Variants in PSMA2 observed in about 807,000 individuals in gnomAD.
The protein encoded by PSMA2 is proteasome subunit alpha type-2.
In PSMA2, 2 loss-of-function variants were observed where a neutral mutation model predicts 35.9. The observed-to-expected ratio is 0.06, with a 90% CI of 0.02 to 0.18. The LOEUF (loss-of-function observed/expected upper bound fraction) is 0.18. Among genes scored for constraint, PSMA2 ranks in the 10% least tolerant of loss-of-function variants. The pLI is 1.00. For missense variants in PSMA2, 126 were observed against 278.8 expected, an observed-to-expected ratio of 0.45 and a Z score of 3.90; for synonymous variants, 97 against 98.2, an observed-to-expected ratio of 0.99 and a Z score of 0.07.
chr7:42,931,137 T>C (rs766815584), intron 1 of PSMA2: 3 of 453,150 alleles, frequency 6.6e-6, no homozygotes, highest in Non-Finnish European at 1.3e-5. Flanking sequence ...CAAGCTGCGG[T>C]TAGTTCATCT....
intron 1 of PSMA2, among the ~76,000 whole-genome samples, chr7:42,931,600 C>T (rs1303554810): frequency 6.6e-6 from 1 of 152,086 alleles, no homozygotes; most frequent in Non-Finnish European, 1.5e-5. Flanking sequence ...CTAATTCGTG[C>T]ATCGAAGAAA....
chr7:42,924,303 G>A (rs545885085), intron 4 of PSMA2, among the ~76,000 whole-genome samples: 213 of 137,104 alleles, frequency 1.6e-3, no homozygotes, highest in Non-Finnish European at 2.4e-3. Context: ...GCAGTGAGCC[G>A]GGATCATGCC....
intron 1 of PSMA2, among the ~76,000 whole-genome samples, chr7:42,930,885 T>C (rs920671314): frequency 6.6e-6 from 1 of 152,184 alleles, no homozygotes; most frequent in Admixed American, 6.5e-5. Flanking sequence ...GCACACACTA[T>C]TCTGTCATAT....
At chr7:42,928,717 G>A (rs924802596) in intron 1 of PSMA2, among the ~76,000 whole-genome samples, 6 of 152,004 alleles carry the variant, frequency 3.9e-5, no homozygotes, top group African/African-American at 1.2e-4. Context: ...ATATAATTAC[G>A]AATATTCCCT....
chr7:42,927,531 G>T (rs1413361240), intron 1 of PSMA2, 72 bp from the exon 2 acceptor site: 9 of 1,433,882 alleles, frequency 6.3e-6, no homozygotes, highest in Non-Finnish European at 8.8e-6. Context: ...CTCTGAGATA[G>T]TACAGACATA....
chr7:42,929,706 G>GTAAA (rs1359700142), intron 1 of PSMA2, among the ~76,000 whole-genome samples: 1 of 152,068 alleles, frequency 6.6e-6, no homozygotes, highest in Non-Finnish European at 1.5e-5. Context: ...CTTTGTTCAC[G>GTAAA]TAAAATAAAA....
chr7:42,917,698 G>C lies in PSMA2; in HGVS notation c.589-8C>G. On this transcript the variant is annotated splice_region_variant and splice_polypyrimidine_tract_variant and intron_variant, in intron 7 of 7. Transcript: ENST00000223321. ...TTGCCCTTCAAAGCTTTCCTATTGAGGAGGGAGGAAAAAAGGTCAATTTTC... is the reference window on the plus strand; with the variant it reads ...TTGCCCTTCAAAGCTTTCCTATTGACGAGGGAGGAAAAAAGGTCAATTTTC... 6.2e-7 allele frequency: 1 copy of C among 1,612,440 alleles called. No individual in the cohort carries two copies.
chr7:42,923,270 A>T (rs1583606820), intron 5 of PSMA2, 55 bp downstream of exon 5: 1 of 1,292,394 alleles, frequency 7.7e-7, no homozygotes, highest in Non-Finnish European at 1.1e-6. Context: ...TATTTCTGTT[A>T]GATATTCAAA....
intron 5 of PSMA2, among the ~76,000 whole-genome samples, chr7:42,922,610 A>G (rs959239944): frequency 1.3e-5 from 2 of 152,228 alleles, no homozygotes; most frequent in South Asian, 2.1e-4. Flanking sequence ...CAACACTATC[A>G]AAGTTCCCAA....
chr7:42,919,622 C>T, intron 6 of PSMA2: 1 of 560,606 alleles, frequency 1.8e-6, no homozygotes, highest in Non-Finnish European at 3.5e-6. Context: ...GAATATATTT[C>T]TGAGGGAGAG....
chr7:42,925,778 A>G (rs1362916756), intron 3 of PSMA2, among the ~76,000 whole-genome samples: 1 of 152,232 alleles, frequency 6.6e-6, no homozygotes, highest in Non-Finnish European at 1.5e-5. Context: ...TGGCAGCACA[A>G]TGCAGTATCC....
chr7:42,919,596 G>A (rs1383542163), intron 6 of PSMA2: 6 of 543,076 alleles, frequency 1.1e-5, no homozygotes, highest in Non-Finnish European at 1.1e-5. Flanking sequence ...ATTTTATTAT[G>A]TTGGCTAGTA....
chr7:42,930,079 T>C (rs1786273879), intron 1 of PSMA2, among the ~76,000 whole-genome samples: 1 of 152,202 alleles, frequency 6.6e-6, no homozygotes, highest in Non-Finnish European at 1.5e-5. Flanking sequence ...CAACCAAATG[T>C]AGTCCACAAG....
intron 1 of PSMA2, among the ~76,000 whole-genome samples, chr7:42,931,489 TC>T (rs937783370): frequency 6.6e-6 from 1 of 150,470 alleles, no homozygotes; most frequent in African/African-American, 2.4e-5. Context: ...TCCCCGACGT[TC>T]CCCCCAGTCC....
intron 3 of PSMA2, among the ~76,000 whole-genome samples, chr7:42,925,705 T>G (rs1014363810): frequency 7.2e-5 from 11 of 152,258 alleles, no homozygotes; most frequent in African/African-American, 2.7e-4. Flanking sequence ...ACTACTGATC[T>G]GAAATATGCA....
chr7:42,922,098 G>A (rs1204529313), intron 5 of PSMA2, among the ~76,000 whole-genome samples, 167 bp from the exon 6 acceptor site: 2 of 152,126 alleles, frequency 1.3e-5, no homozygotes, highest in Non-Finnish European at 2.9e-5. Flanking sequence ...AAGAAGGCTA[G>A]AAGGATGGAA....
intron 6 of PSMA2, chr7:42,918,146 C>T (rs1248173626): frequency 6.0e-6 from 1 of 167,672 alleles, no homozygotes; most frequent in Non-Finnish European, 1.3e-5. Flanking sequence ...ATGCCATTCT[C>T]CTGCCTCAGC....
At chr7:42,927,098 G>T (rs780913563) in intron 2 of PSMA2, among the ~76,000 whole-genome samples, 2 of 143,498 alleles carry the variant, frequency 1.4e-5, no homozygotes, top group Non-Finnish European at 3.0e-5. Context: ...CTGCCAGGAA[G>T]TAGTGATATA....
At chr7:42,922,159 C>T (rs541982565) in intron 5 of PSMA2, among the ~76,000 whole-genome samples, 45 of 152,102 alleles carry the variant, frequency 3.0e-4, no homozygotes, top group Admixed American at 1.7e-3. Context: ...TTTTGATATC[C>T]TCATTGTAGT....
Sources: allele counts gnomAD v4.1 joint callset (sites outside exome capture counted in the v4.1 genomes callset), GRCh38; gene constraint gnomAD v4.1.1; transcripts MANE v1.5; gene names NCBI Gene and HGNC (gene_info 2026-07-23, HGNC 2026-07-21).